The following MAP6 variants were observed in gnomAD, a reference collection of about 807,000 sequenced individuals.
The protein encoded by MAP6 is microtubule associated protein 6, also known as microtubule-associated protein 6.
Under a neutral mutation model 42.4 loss-of-function variants are expected in MAP6, and 26 were observed. The observed-to-expected ratio is 0.61, with a 90% CI of 0.45 to 0.85. The LOEUF (loss-of-function observed/expected upper bound fraction) is 0.85. Ranked by LOEUF, MAP6 falls within the 40% of genes least tolerant of loss-of-function variation. MAP6 has a pLI of 0.00. For missense variants in MAP6, 966 were observed against 1,099.0 expected (o/e 0.88, Z 1.71); for synonymous variants, 418 against 443.8 (o/e 0.94, Z 0.73).
At chr11:75,666,318 C>A (rs1222973563) in intron 1 of MAP6, among the ~76,000 whole-genome samples, 1 of 151,998 alleles carries the variant, frequency 6.6e-6, no homozygotes, top group Non-Finnish European at 1.5e-5. Flanking sequence ...AAATATATAC[C>A]GGATGGATGA....
At chr11:75,625,273 T>C (rs1221007388) in intron 1 of MAP6, among the ~76,000 whole-genome samples, 1 of 152,206 alleles carries the variant, frequency 6.6e-6, no homozygotes, top group East Asian at 1.9e-4. Flanking sequence ...AAGCCCATCA[T>C]GTCATGTGCA....
chr11:75,641,513 G>A (rs566497890), intron 1 of MAP6, among the ~76,000 whole-genome samples: 9 of 152,202 alleles, frequency 5.9e-5, no homozygotes, highest in African/African-American at 2.2e-4. Context: ...AATTTAGAAG[G>A]TCTGGGGTAG....
intron 1 of MAP6, among the ~76,000 whole-genome samples, chr11:75,626,510 A>G (rs982324919): frequency 2.0e-5 from 3 of 152,200 alleles, no homozygotes; most frequent in Non-Finnish European, 2.9e-5. Flanking sequence ...AGGCTGGGAT[A>G]GGGAGAGACT....
At chr11:75,666,505 G>A (rs1943949778) in intron 1 of MAP6, among the ~76,000 whole-genome samples, 1 of 152,186 alleles carries the variant, frequency 6.6e-6, no homozygotes, top group African/African-American at 2.4e-5. Flanking sequence ...TGTAGGGAAA[G>A]GAGAGAGAAA....
chr11:75,659,865 A>T (rs576012117), intron 1 of MAP6, among the ~76,000 whole-genome samples: 9 of 152,148 alleles, frequency 5.9e-5, no homozygotes, highest in Non-Finnish European at 1.2e-4. Context: ...CTGGCTTGAC[A>T]TTTTTTTGAA....
chr11:75,643,126 T>C (rs1943501755), intron 1 of MAP6, among the ~76,000 whole-genome samples: 1 of 151,976 alleles, frequency 6.6e-6, no homozygotes, highest in Non-Finnish European at 1.5e-5. Flanking sequence ...TATTTGGAAT[T>C]TACTGTAAAG....
intron 1 of MAP6, among the ~76,000 whole-genome samples, chr11:75,624,670 C>G (rs1251394086): frequency 6.6e-6 from 1 of 151,962 alleles, no homozygotes; most frequent in African/African-American, 2.4e-5. Flanking sequence ...TAAATATAGG[C>G]CAAAAAAGGG....
chr11:75,662,029 A>T (rs952499300), intron 1 of MAP6, among the ~76,000 whole-genome samples: 1 of 152,164 alleles, frequency 6.6e-6, no homozygotes, highest in Non-Finnish European at 1.5e-5. Flanking sequence ...AAGGTAATGA[A>T]CTCTTCATGA....
chr11:75,649,407 C>A (rs117758827), intron 1 of MAP6, among the ~76,000 whole-genome samples: 2 of 152,146 alleles, frequency 1.3e-5, no homozygotes, highest in East Asian at 3.9e-4. Context: ...CTCTTTATAA[C>A]AGTGATGACT....
chr11:75,661,380 G>A (rs1039282958), intron 1 of MAP6, among the ~76,000 whole-genome samples: 1 of 151,744 alleles, frequency 6.6e-6, no homozygotes, highest in Admixed American at 6.6e-5. Flanking sequence ...CAGTACATAA[G>A]ACTAATATAA....
At chr11:75,632,015 C>T (rs189591660) in intron 1 of MAP6, among the ~76,000 whole-genome samples, 48 of 152,338 alleles carry the variant, frequency 3.2e-4, no homozygotes, top group South Asian at 4.1e-4. Context: ...ATTTAATCAA[C>T]GGAGAGTGTA....
chr11:75,627,951 C>T (rs1157598326), intron 1 of MAP6, among the ~76,000 whole-genome samples: 1 of 152,122 alleles, frequency 6.6e-6, no homozygotes, highest in Non-Finnish European at 1.5e-5. Context: ...AGGGAGAGGA[C>T]GTTGGCAAGA....
intron 1 of MAP6, among the ~76,000 whole-genome samples, chr11:75,652,124 A>C (rs1221001386): frequency 6.6e-6 from 1 of 152,256 alleles, no homozygotes; most frequent in African/African-American, 2.4e-5. Context: ...TTTGAATTTT[A>C]GCAATAAAAT....
At chr11:75,592,957 T>C (rs1942507035) in intron 3 of MAP6, among the ~76,000 whole-genome samples, 1 of 152,212 alleles carries the variant, frequency 6.6e-6, no homozygotes, top group African/African-American at 2.4e-5. Context: ...TGGAATATTC[T>C]CTTGTTCCCT....
chr11:75,587,862 T>G lies in MAP6; in HGVS notation c.1639A>C (p.Lys547Gln), dbSNP rs986493948. 6.2e-7 allele frequency: 1 copy of G among 1,613,860 alleles called. No individual in the cohort carries two copies. Among genetic ancestry groups the G allele is most frequent in the Non-Finnish European group, 8.5e-7 (1 of 1,179,990 alleles). The change falls in exon 4 of 4, where the codon AAA (lysine) becomes CAA (glutamine). Residue 547 changes from lysine (K) to glutamine (Q), a missense_variant. This residue lies in a region of MAP6 where 943 missense variants were observed against 1,049.9 expected (regional missense o/e 0.90). Coordinates refer to ENST00000304771, the MANE Select transcript of MAP6 (RefSeq NM_033063.2). ...PKNQSPMVPA[K>Q]VKDQGSVVPE... is the part of the protein sequence containing the mutation. ...ACCACAGAGCCTTGATCCTTAACTTTTGCTGGAACCATAGGACTTTGATTC... is the reference window on the plus strand; with the variant it reads ...ACCACAGAGCCTTGATCCTTAACTTGTGCTGGAACCATAGGACTTTGATTC...
intron 1 of MAP6, among the ~76,000 whole-genome samples, chr11:75,653,433 C>A (rs982909743): frequency 4.6e-5 from 7 of 152,158 alleles, no homozygotes; most frequent in South Asian, 2.1e-4. Flanking sequence ...AAGGAAAATT[C>A]GACCTCGAGT....
intron 3 of MAP6, among the ~76,000 whole-genome samples, chr11:75,598,576 C>A (rs1193779280): frequency 6.6e-6 from 1 of 152,242 alleles, no homozygotes; most frequent in East Asian, 1.9e-4. Context: ...TGACCTCTCA[C>A]AAAACTGCCC....
intron 1 of MAP6, among the ~76,000 whole-genome samples, chr11:75,636,918 C>A (rs138283688): frequency 6.6e-6 from 1 of 152,282 alleles, no homozygotes; most frequent in African/African-American, 2.4e-5. Flanking sequence ...CTTCTGGGAG[C>A]GAAATATCTC....
intron 3 of MAP6, chr11:75,599,020 G>A (rs1371288372): frequency 6.6e-6 from 1 of 152,348 alleles, no homozygotes; most frequent in African/African-American, 2.4e-5. Context: ...GCATGGAGGT[G>A]AGAAGCAGCA....
Sources: allele counts gnomAD v4.1 joint callset (sites outside exome capture counted in the v4.1 genomes callset), GRCh38; gene constraint gnomAD v4.1.1; regional missense constraint gnomAD v4.1.1; transcripts MANE v1.5; gene names NCBI Gene and HGNC (gene_info 2026-07-23, HGNC 2026-07-21).